The following GPC5 variants were observed in gnomAD, a reference collection of about 807,000 sequenced individuals.
GPC5 encodes the protein glypican-5.
In GPC5, 47 loss-of-function variants were observed where a neutral mutation model predicts 53.9. That is an observed-to-expected ratio of 0.87 (90% CI 0.69 to 1.11). GPC5 has a LOEUF of 1.11. Among genes scored for constraint, GPC5 ranks in the 50% most tolerant of loss-of-function variants. The pLI is 0.00. For synonymous variants in GPC5, 286 were observed against 263.3 expected (o/e 1.09, Z -0.84); for missense variants, 748 against 713.1 (o/e 1.05, Z -0.56).
At chr13:92,811,905 T>C (rs1877313852) in intron 7 of GPC5, among the ~76,000 whole-genome samples, 1 of 151,980 alleles carries the variant, frequency 6.6e-6, no homozygotes, top group African/African-American at 2.4e-5. Flanking sequence ...CAAAAATCAA[T>C]TGACCATAAA....
At chr13:92,588,739 C>T (rs9589592) in intron 7 of GPC5, among the ~76,000 whole-genome samples, 4,525 of 152,220 alleles carry the variant, frequency 0.03, 194 homozygotes, top group African/African-American at 0.092. Context: ...GCACCACTAT[C>T]TACAATAGCA....
intron 7 of GPC5, among the ~76,000 whole-genome samples, chr13:92,854,088 A>G (rs1414962296): frequency 6.6e-6 from 1 of 151,806 alleles, no homozygotes; most frequent in East Asian, 1.9e-4. Context: ...ATTTGCTAAT[A>G]GTTAATATTT....
At chr13:91,470,935 T>C (rs1882581012) in intron 2 of GPC5, among the ~76,000 whole-genome samples, 1 of 152,194 alleles carries the variant, frequency 6.6e-6, no homozygotes. Flanking sequence ...CTGATTTTAT[T>C]GTAAGTGATC....
intron 7 of GPC5, among the ~76,000 whole-genome samples, chr13:92,235,827 TC>T (rs2042565594): frequency 6.6e-6 from 1 of 152,026 alleles, no homozygotes; most frequent in Non-Finnish European, 1.5e-5. Flanking sequence ...CTTCTCAAAG[TC>T]CCCCTCTCAC....
chr13:92,800,167 G>A (rs1482511705), intron 7 of GPC5, among the ~76,000 whole-genome samples: 5 of 151,792 alleles, frequency 3.3e-5, no homozygotes, highest in Non-Finnish European at 7.4e-5. Context: ...TCTTGCAGAA[G>A]CTATGGCCAT....
chr13:92,304,054 T>C (rs969358395), intron 7 of GPC5, among the ~76,000 whole-genome samples: 2 of 152,120 alleles, frequency 1.3e-5, no homozygotes, highest in African/African-American at 2.4e-5. Context: ...GTATAGTGGA[T>C]ACACATCAAT....
chr13:91,674,452 C>A (rs1377444926), intron 2 of GPC5, among the ~76,000 whole-genome samples: 2 of 148,904 alleles, frequency 1.3e-5, no homozygotes, highest in African/African-American at 2.5e-5. Flanking sequence ...TATACACATA[C>A]ACACACACAC....
At chr13:91,682,202 T>G (rs2035524028) in intron 2 of GPC5, among the ~76,000 whole-genome samples, 1 of 152,236 alleles carries the variant, frequency 6.6e-6, no homozygotes, top group South Asian at 2.1e-4. Flanking sequence ...TATGTTTACT[T>G]ATATACACAG....
chr13:92,157,946 A>G (rs903530504), intron 7 of GPC5, among the ~76,000 whole-genome samples: 1 of 152,228 alleles, frequency 6.6e-6, no homozygotes, highest in Non-Finnish European at 1.5e-5. Flanking sequence ...ATATCAGTAA[A>G]TACATTAAAA....
At chr13:92,674,355 T>G (rs1778277543) in intron 7 of GPC5, among the ~76,000 whole-genome samples, 1 of 152,144 alleles carries the variant, frequency 6.6e-6, no homozygotes, top group African/African-American at 2.4e-5. Context: ...GTTTCAAGTG[T>G]GCTTAAAAGT....
intron 6 of GPC5, among the ~76,000 whole-genome samples, chr13:92,000,494 A>G (rs757388992): frequency 1.3e-5 from 2 of 152,132 alleles, no homozygotes; most frequent in Admixed American, 6.6e-5. Flanking sequence ...CTAGAATTAC[A>G]GTCAATGTTT....
At chr13:92,846,964 C>A (rs761092318) in intron 7 of GPC5, among the ~76,000 whole-genome samples, 4 of 152,148 alleles carry the variant, frequency 2.6e-5, no homozygotes, top group African/African-American at 9.7e-5. Flanking sequence ...GCCCTCTTTG[C>A]GGGGATAGTG....
chr13:92,813,012 A>G (rs1381701076), intron 7 of GPC5, among the ~76,000 whole-genome samples: 2 of 151,974 alleles, frequency 1.3e-5, no homozygotes, highest in Non-Finnish European at 2.9e-5. Flanking sequence ...TGTATTTTTT[A>G]TCATACAAGA....
At chr13:92,698,277 T>G (rs1440363941) in intron 7 of GPC5, among the ~76,000 whole-genome samples, 1 of 152,154 alleles carries the variant, frequency 6.6e-6, no homozygotes, top group Non-Finnish European at 1.5e-5. Flanking sequence ...TAACTCAACA[T>G]TTAACATTAG....
At chr13:91,608,326 C>G (rs192863596) in intron 2 of GPC5, among the ~76,000 whole-genome samples, 12 of 152,114 alleles carry the variant, frequency 7.9e-5, no homozygotes, top group African/African-American at 2.7e-4. Flanking sequence ...CTTGTTCTTA[C>G]AAGTGCTAGG....
At chr13:92,403,355 TGGAACTGGTCTGTGGCCCATGGCCTGTTA>T (rs1875643859) in intron 7 of GPC5, among the ~76,000 whole-genome samples, 1 of 152,218 alleles carries the variant, frequency 6.6e-6, no homozygotes, top group Non-Finnish European at 1.5e-5. Context: ...GGCCGCCAAC[TGGAACTGGTCTGTGGCCCATGGCCTGTTA>T]GGAACTGGTC....
chr13:92,752,744 A>G (rs1015267879), intron 7 of GPC5, among the ~76,000 whole-genome samples: 2 of 152,032 alleles, frequency 1.3e-5, no homozygotes, highest in African/African-American at 4.8e-5. Context: ...CACCTGGAAA[A>G]TCGGGTCACT....
intron 7 of GPC5, among the ~76,000 whole-genome samples, chr13:92,382,654 A>T (rs949265281): frequency 4.6e-5 from 7 of 152,232 alleles, no homozygotes; most frequent in African/African-American, 1.7e-4. Context: ...ATACAAGAAA[A>T]CTGTACCCAC....
chr13:91,743,583 C>G (rs1015494503), intron 4 of GPC5, among the ~76,000 whole-genome samples: 2 of 152,052 alleles, frequency 1.3e-5, no homozygotes, highest in Non-Finnish European at 2.9e-5. Context: ...GCAGGAAGCA[C>G]CAAGGAATAC....
Sources: allele counts gnomAD v4.1 joint callset (sites outside exome capture counted in the v4.1 genomes callset), GRCh38; gene constraint gnomAD v4.1.1; transcripts MANE v1.5; gene names NCBI Gene and HGNC (gene_info 2026-07-23, HGNC 2026-07-21).